The following GALNT17 variants were observed in gnomAD, a reference collection of about 807,000 sequenced individuals.
The protein encoded by GALNT17 is polypeptide N-acetylgalactosaminyltransferase 17.
Under a neutral mutation model 63.7 loss-of-function variants are expected in GALNT17, and 29 were observed. That is an observed-to-expected ratio of 0.46 (90% CI 0.34 to 0.62). The LOEUF (loss-of-function observed/expected upper bound fraction) is 0.62. Among genes scored for constraint, GALNT17 ranks in the 20% least tolerant of loss-of-function variants. GALNT17 has a pLI of 0.01. For missense variants in GALNT17, 603 were observed against 799.6 expected (o/e 0.75, Z 2.97); for synonymous variants, 305 against 318.3 (o/e 0.96, Z 0.45).
intron 3 of GALNT17, among the ~76,000 whole-genome samples, chr7:71,397,512 T>C (rs1203420236): frequency 6.6e-6 from 1 of 152,126 alleles, no homozygotes; most frequent in Non-Finnish European, 1.5e-5. Context: ...CATCCAATTA[T>C]AGATAAGAAT....
intron 6 of GALNT17, among the ~76,000 whole-genome samples, chr7:71,628,079 A>AC (rs397763231): frequency 6.6e-6 from 1 of 150,746 alleles, no homozygotes; most frequent in East Asian, 2.0e-4. Context: ...GGGGGAAAAA[A>AC]GTCTAAAAAT....
At chr7:71,227,659 G>A (rs2116436592) in intron 1 of GALNT17, among the ~76,000 whole-genome samples, 1 of 152,274 alleles carries the variant, frequency 6.6e-6, no homozygotes, top group South Asian at 2.1e-4. Flanking sequence ...CATACAGCAT[G>A]AGGTTCCCAA....
At chr7:71,366,691 T>C (rs1167712700) in intron 2 of GALNT17, among the ~76,000 whole-genome samples, 2 of 152,190 alleles carry the variant, frequency 1.3e-5, no homozygotes, top group Non-Finnish European at 2.9e-5. Flanking sequence ...GCTGTTTTCT[T>C]ATGCATGAAT....
chr7:71,305,622 C>T (rs371000226), intron 1 of GALNT17, among the ~76,000 whole-genome samples: 8 of 152,238 alleles, frequency 5.3e-5, no homozygotes, highest in Middle Eastern at 3.4e-3. Flanking sequence ...GTTATGACAA[C>T]GGTGAGGGGA....
At chr7:71,401,883 A>T (rs1456288996) in intron 3 of GALNT17, among the ~76,000 whole-genome samples, 1 of 152,200 alleles carries the variant, frequency 6.6e-6, no homozygotes, top group East Asian at 1.9e-4. Flanking sequence ...AGTGCACAAT[A>T]AATGTAATGC....
rs770531592 is a variant in GALNT17, at chr7:71,335,611, G to T, written c.300G>T (p.Pro100=). 1 of 1,612,572 alleles carries T rather than the reference G, an allele frequency of 6.2e-7. No individual in the cohort carries two copies. Among genetic ancestry groups the T allele is most frequent in the Admixed American group, 1.7e-5 (1 of 59,860 alleles). The change falls in exon 2 of 11, where the codon CCG becomes CCT. Residue 100 remains proline (P), a synonymous_variant. Coordinates refer to ENST00000333538, the MANE Select transcript of GALNT17 (RefSeq NM_022479.3). ...GYGGRGKGGL[P]ATLSPAEEEK... ...GTGGGCGGGGTAAAGGGGGCCTTCC[G>T]GCTACTCTTTCCCCGGCTGAAGAAG...
intron 5 of GALNT17, among the ~76,000 whole-genome samples, chr7:71,557,241 A>G (rs1184769019): frequency 6.6e-6 from 1 of 152,128 alleles, no homozygotes; most frequent in African/African-American, 2.4e-5. Context: ...CTGCATTGAT[A>G]TAGGATGTCC....
At chr7:71,139,099 T>C (rs1250938898) in intron 1 of GALNT17, among the ~76,000 whole-genome samples, 1 of 152,260 alleles carries the variant, frequency 6.6e-6, no homozygotes, top group South Asian at 2.1e-4. Context: ...AAGTTACTTA[T>C]TTCTCTCATT....
At chr7:71,235,918 G>A (rs1392967486) in intron 1 of GALNT17, among the ~76,000 whole-genome samples, 3 of 152,174 alleles carry the variant, frequency 2.0e-5, no homozygotes, top group Non-Finnish European at 2.9e-5. Flanking sequence ...AGTGGCTTAC[G>A]CCTTTAATCC....
intron 2 of GALNT17, among the ~76,000 whole-genome samples, chr7:71,339,700 A>G (rs974796702): frequency 6.6e-6 from 1 of 151,938 alleles, no homozygotes; most frequent in African/African-American, 2.4e-5. Flanking sequence ...AAAAAAAAAA[A>G]AGGAAAATTG....
rs1366133706 is a variant in GALNT17, at chr7:71,349,926, A to C, written c.422+14193A>C. On this transcript the variant is annotated intron_variant, in intron 2 of 10. Transcript: ENST00000333538. ...TGTGATGAATGCAGCCCCACTTTGC[A>C]CATGGTTGCGCTTAGGCAATATTAG... Among the ~76,000 whole-genome samples the C allele has an allele frequency of 2.0e-5, 3 of 152,348 alleles. No homozygotes were observed. In the East Asian group the frequency reaches 5.8e-4, roughly 29 times the overall value.
chr7:71,226,759 C>T (rs1460041625), intron 1 of GALNT17, among the ~76,000 whole-genome samples: 2 of 151,768 alleles, frequency 1.3e-5, no homozygotes, highest in Non-Finnish European at 2.9e-5. Flanking sequence ...GGATTACAGA[C>T]GTGAGCAACT....
chr7:71,167,005 G>C (rs1658169231), intron 1 of GALNT17, among the ~76,000 whole-genome samples: 1 of 150,898 alleles, frequency 6.6e-6, no homozygotes, highest in South Asian at 2.1e-4. Flanking sequence ...CTCCCCAGTA[G>C]CTGGGACTAC....
chr7:71,422,923 G>A (rs887319645), intron 5 of GALNT17, among the ~76,000 whole-genome samples: 1 of 152,158 alleles, frequency 6.6e-6, no homozygotes, highest in Non-Finnish European at 1.5e-5. Context: ...GGAGTGGGAA[G>A]GTGGTCTTCC....
intron 5 of GALNT17, among the ~76,000 whole-genome samples, chr7:71,540,099 T>C (rs1323500509): frequency 2.0e-5 from 1 of 51,058 alleles, no homozygotes; most frequent in Non-Finnish European, 3.8e-5. Context: ...TGGCCTTTTT[T>C]TTTTTTTTTT....
At chr7:71,272,642 G>A (rs11769421) in intron 1 of GALNT17, among the ~76,000 whole-genome samples, 76,649 of 152,056 alleles carry the variant, frequency 0.5, 19,770 homozygotes, top group Non-Finnish European at 0.54. Flanking sequence ...TTCAACCTGC[G>A]CTTCAGACAA....
intron 2 of GALNT17, among the ~76,000 whole-genome samples, chr7:71,356,291 C>T (rs1000615045): frequency 6.6e-6 from 1 of 152,134 alleles, no homozygotes; most frequent in South Asian, 2.1e-4. Context: ...CAATGATTCA[C>T]AAGATTTGTA....
At chr7:71,588,116 C>G (rs991607540) in intron 6 of GALNT17, among the ~76,000 whole-genome samples, 3 of 152,152 alleles carry the variant, frequency 2.0e-5, no homozygotes, top group African/African-American at 7.2e-5. Context: ...AAGCCTTTTC[C>G]ATGAACAAAG....
chr7:71,689,473 C>T (rs1485413736), intron 9 of GALNT17, among the ~76,000 whole-genome samples: 1 of 152,228 alleles, frequency 6.6e-6, no homozygotes, highest in African/African-American at 2.4e-5. Context: ...CCAGCCACAA[C>T]ATTCCCTTAA....
Sources: allele counts gnomAD v4.1 joint callset (sites outside exome capture counted in the v4.1 genomes callset), GRCh38; gene constraint gnomAD v4.1.1; transcripts MANE v1.5; gene names NCBI Gene and HGNC (gene_info 2026-07-23, HGNC 2026-07-21).